SLC35F4: variants seen among roughly 807,000 people sequenced by gnomAD.
The protein encoded by SLC35F4 is solute carrier family 35 member F4, also known as chromosome 14 open reading frame 36.
Under a neutral mutation model 44.2 loss-of-function variants are expected in SLC35F4, and 24 were observed. The observed-to-expected ratio is 0.54, with a 90% CI of 0.39 to 0.76. The LOEUF (loss-of-function observed/expected upper bound fraction) is 0.76, where lower values mean the gene tolerates loss of function less well. SLC35F4 is among the 30% of genes least tolerant of loss of function. The probability of loss-of-function intolerance (pLI) is 0.00; values close to 1 mark genes in which losing one functional copy is unlikely to be tolerated. For missense variants in SLC35F4, 562 were observed against 586.1 expected (o/e 0.96, Z 0.42); for synonymous variants, 238 against 223.6 (o/e 1.06, Z -0.57).
chr14:57,646,944 C>A (rs1304685595), intron 1 of SLC35F4, among the ~76,000 whole-genome samples: 5 of 152,166 alleles, frequency 3.3e-5, no homozygotes. Flanking sequence ...GAGTGAGTTT[C>A]TTAATCCTCA....
At chr14:57,898,704 T>C (rs1253036137) in intron 1 of SLC35F4, among the ~76,000 whole-genome samples, 1 of 152,220 alleles carries the variant, frequency 6.6e-6, no homozygotes, top group Non-Finnish European at 1.5e-5. Flanking sequence ...GATCAGCAAC[T>C]TCAGTAAGAG....
At chr14:57,689,173 T>C (rs1230399695) in intron 1 of SLC35F4, among the ~76,000 whole-genome samples, 2 of 152,182 alleles carry the variant, frequency 1.3e-5, no homozygotes, top group Admixed American at 6.5e-5. Flanking sequence ...CGAAAATATG[T>C]TGGCTTTTCC....
At chr14:57,656,190 G>A (rs2073963144) in intron 1 of SLC35F4, among the ~76,000 whole-genome samples, 2 of 151,884 alleles carry the variant, frequency 1.3e-5, no homozygotes, top group Non-Finnish European at 2.9e-5. Flanking sequence ...AACCACATGA[G>A]GCTACTGGTT....
At chr14:57,592,318 G>A (rs1377840546) in intron 2 of SLC35F4, among the ~76,000 whole-genome samples, 1 of 152,122 alleles carries the variant, frequency 6.6e-6, no homozygotes, top group African/African-American at 2.4e-5. Context: ...TATCTCATAG[G>A]ATTTATTTTG....
At chr14:57,981,652 C>A (rs756753609) in intron 1 of SLC35F4, among the ~76,000 whole-genome samples, 1 of 152,120 alleles carries the variant, frequency 6.6e-6, no homozygotes, top group Non-Finnish European at 1.5e-5. Context: ...TCCTGTCAGA[C>A]TTTTATTATC....
At chr14:57,928,694 C>T (rs890380938) in intron 1 of SLC35F4, among the ~76,000 whole-genome samples, 23 of 152,180 alleles carry the variant, frequency 1.5e-4, no homozygotes, top group African/African-American at 5.5e-4. Flanking sequence ...CCAGGAAGAT[C>T]TCAAACTGAG....
intron 1 of SLC35F4, among the ~76,000 whole-genome samples, chr14:57,958,909 G>C (rs554307886): frequency 6.6e-6 from 1 of 152,164 alleles, no homozygotes; most frequent in Admixed American, 6.5e-5. Flanking sequence ...GTTAGACATC[G>C]TCAGAATCCC....
chr14:57,593,881 T>C, intron 2 of SLC35F4, 58 bp downstream of exon 2: 1 of 1,569,518 alleles, frequency 6.4e-7, no homozygotes, highest in Non-Finnish European at 8.7e-7. Context: ...TGGCGAGATC[T>C]TTCTATTTAG....
chr14:57,737,140 TAGG>T (rs1332191689), intron 1 of SLC35F4, among the ~76,000 whole-genome samples: 1 of 150,570 alleles, frequency 6.6e-6, no homozygotes, highest in African/African-American at 2.4e-5. Flanking sequence ...GTGTGTGTGT[TAGG>T]AGAGAGAGAA....
chr14:57,598,701 T>C (rs1243047758), intron 1 of SLC35F4, among the ~76,000 whole-genome samples: 3 of 152,212 alleles, frequency 2.0e-5, no homozygotes, highest in South Asian at 2.1e-4. Context: ...TTTTATCTCC[T>C]ATGGGCACAA....
At chr14:57,751,936 C>T (rs80264900) in intron 1 of SLC35F4, among the ~76,000 whole-genome samples, 3 of 134,996 alleles carry the variant, frequency 2.2e-5, no homozygotes, top group Non-Finnish European at 4.9e-5. Flanking sequence ...CTCTCTCTCT[C>T]TGTGTGTGTG....
At chr14:57,718,025 A>G (rs1453493637) in intron 1 of SLC35F4, among the ~76,000 whole-genome samples, 1 of 152,106 alleles carries the variant, frequency 6.6e-6, no homozygotes. Flanking sequence ...CCAACTCCCA[A>G]CTACTCTTCC....
intron 1 of SLC35F4, among the ~76,000 whole-genome samples, chr14:57,611,761 T>C (rs1356613443): frequency 6.6e-6 from 1 of 151,864 alleles, no homozygotes; most frequent in African/African-American, 2.4e-5. Flanking sequence ...GGAAGAGGAA[T>C]GGAGGCAGGG....
At chr14:57,908,346 T>A (rs189022183) in intron 1 of SLC35F4, among the ~76,000 whole-genome samples, 5 of 152,366 alleles carry the variant, frequency 3.3e-5, no homozygotes, top group Admixed American at 2.0e-4. Context: ...TTTCTCGTTC[T>A]AGATCCTTGA....
chr14:57,758,001 A>ATGTGTGTGTGTG lies in SLC35F4; in HGVS notation c.103+107710_103+107721dup, dbSNP rs34860997. 7.0e-4 allele frequency among the ~76,000 whole-genome samples: 90 copies of ATGTGTGTGTGTG among 129,008 alleles called. 1 individual carries two copies. The highest frequency in any genetic ancestry group is 2.6e-3 in the South Asian group (10 of 3,886). 84.6% of individuals were successfully genotyped at this position (129,008 alleles called of 152,430 possible). ...TTTCTGGGTATAGGATTATAGGTTC[A>ATGTGTGTGTGTG]TGTGTGTGTGTGTGTGTGTGTGTGT... On this transcript the variant is annotated intron_variant, in intron 1 of 7. Transcript: ENST00000556826.
At chr14:57,873,131 T>G (rs1385893349) in intron 1 of SLC35F4, among the ~76,000 whole-genome samples, 2 of 152,182 alleles carry the variant, frequency 1.3e-5, no homozygotes, top group Non-Finnish European at 2.9e-5. Context: ...TTGTGGAAAT[T>G]ATGGGTTTGA....
In SLC35F4 at chr14:57,626,373, CAA is replaced by C. The variant is rs34559840; in HGVS notation, c.104-32251_104-32250del. On this transcript the variant is annotated intron_variant, in intron 1 of 7. Coordinates refer to ENST00000556826, the MANE Select transcript of SLC35F4 (RefSeq NM_001306087.2). ...CTTGAGAAATAAATCTGTAAAATGGCAAAAAAAAAAAATTCAGTCATATAGAA... is the reference window on the plus strand; with the variant it reads ...CTTGAGAAATAAATCTGTAAAATGGCAAAAAAAAAATTCAGTCATATAGAA... Among the ~76,000 whole-genome samples, 215 of 142,808 alleles carry C rather than the reference CAA, an allele frequency of 1.5e-3. 1 individual carries two copies. The highest frequency in any genetic ancestry group is 7.0e-3 in the Middle Eastern group (2 of 286). 93.7% of individuals were successfully genotyped at this position (142,808 alleles called of 152,430 possible).
intron 1 of SLC35F4, among the ~76,000 whole-genome samples, chr14:57,816,984 G>C (rs1048714268): frequency 6.6e-6 from 1 of 152,118 alleles, no homozygotes; most frequent in Non-Finnish European, 1.5e-5. Flanking sequence ...TGTATCTCAG[G>C]CTCCACTTTC....
At chr14:57,969,772 T>C (rs1881000638) in intron 1 of SLC35F4, among the ~76,000 whole-genome samples, 1 of 152,222 alleles carries the variant, frequency 6.6e-6, no homozygotes, top group Admixed American at 6.5e-5. Flanking sequence ...ATAAACTTCA[T>C]GTGACACATA....
Sources: gnomAD v4.1 joint callset for allele counts (sites outside exome capture counted in the v4.1 genomes callset) on GRCh38, gnomAD v4.1.1 for gene constraint, MANE v1.5 for transcripts, NCBI Gene and HGNC (gene_info 2026-07-23, HGNC 2026-07-21) for gene names.